ULK4: variants seen among roughly 807,000 people sequenced by gnomAD.
ULK4 encodes the protein inactive serine/threonine-protein kinase ULK4.
Under a neutral mutation model 160.6 loss-of-function variants are expected in ULK4, and 133 were observed. The ratio of observed to expected loss-of-function variants is 0.83; its 90% CI spans 0.72 to 0.96. The LOEUF (loss-of-function observed/expected upper bound fraction) is 0.96. Among genes scored for constraint, ULK4 ranks in the 40% least tolerant of loss-of-function variants. ULK4 has a pLI of 0.00. For synonymous variants in ULK4, 534 were observed against 539.8 expected, an observed-to-expected ratio of 0.99 and a Z score of 0.15; for missense variants, 1,580 against 1,499.5, an observed-to-expected ratio of 1.05 and a Z score of -0.89.
At chr3:41,930,173 A>T (rs1310148333) in intron 5 of ULK4, among the ~76,000 whole-genome samples, 10 of 151,238 alleles carry the variant, frequency 6.6e-5, no homozygotes, top group Admixed American at 5.9e-4. Context: ...CAGACCTCGG[A>T]ATAGAGATCT....
intron 17 of ULK4, among the ~76,000 whole-genome samples, chr3:41,844,460 T>C (rs1014966992): frequency 8.5e-5 from 13 of 152,056 alleles, no homozygotes; most frequent in African/African-American, 3.1e-4. Flanking sequence ...CCGGCCTGAG[T>C]GCAGGGCGCG....
intron 27 of ULK4, among the ~76,000 whole-genome samples, chr3:41,684,279 T>G: frequency 6.6e-6 from 1 of 152,238 alleles, no homozygotes; most frequent in South Asian, 2.1e-4. Context: ...CCTGCTTCTC[T>G]GTGCACACCA....
chr3:41,538,110 A>T (rs563884279), intron 32 of ULK4, among the ~76,000 whole-genome samples: 1 of 152,102 alleles, frequency 6.6e-6, no homozygotes, highest in African/African-American at 2.4e-5. Context: ...AAAAGTATCA[A>T]ATCATCCTTT....
chr3:41,303,544 T>C (rs1286815993), intron 35 of ULK4, among the ~76,000 whole-genome samples: 2 of 152,196 alleles, frequency 1.3e-5, no homozygotes, highest in Non-Finnish European at 2.9e-5. Flanking sequence ...TTTCTTTGCA[T>C]GGGTAAAATA....
At chr3:41,277,323 C>G (rs906403295) in intron 35 of ULK4, among the ~76,000 whole-genome samples, 2 of 152,130 alleles carry the variant, frequency 1.3e-5, no homozygotes, top group Non-Finnish European at 2.9e-5. Flanking sequence ...ACCGATATCC[C>G]TGATGAACAT....
At chr3:41,432,524 C>T (rs1281407773) in intron 34 of ULK4, among the ~76,000 whole-genome samples, 2 of 152,158 alleles carry the variant, frequency 1.3e-5, no homozygotes, top group African/African-American at 2.4e-5. Context: ...TACTCACCCC[C>T]ACTTCTGTGG....
In ULK4 at chr3:41,653,937, C is replaced by G. The variant is rs115959819; in HGVS notation, c.3071+9670G>C. Among the ~76,000 whole-genome samples, 865 of 152,326 alleles carry G rather than the reference C, an allele frequency of 5.7e-3. 8 individuals carry two copies. Among genetic ancestry groups the G allele is most frequent in the Admixed American group, 7.6e-3 (116 of 15,306 alleles). On this transcript the variant is annotated intron_variant, in intron 30 of 36. Coordinates refer to ENST00000301831, the MANE Select transcript of ULK4 (RefSeq NM_017886.4). ...ACTCTGCAATGCACAATGGGAATCA[C>G]TATTTATAAATGTATGCAATAAACC...
At chr3:41,371,187 C>A (rs765888965) in intron 35 of ULK4, among the ~76,000 whole-genome samples, 1 of 152,190 alleles carries the variant, frequency 6.6e-6, no homozygotes, top group Non-Finnish European at 1.5e-5. Context: ...TAGGACAGAG[C>A]AACTCGGGGA....
intron 29 of ULK4, among the ~76,000 whole-genome samples, chr3:41,670,192 C>A (rs1183243688): frequency 6.6e-6 from 1 of 152,110 alleles, no homozygotes; most frequent in Non-Finnish European, 1.5e-5. Flanking sequence ...AAAGAGCAGG[C>A]TGCCAAACAG....
chr3:41,344,789 A>T (rs946400795), intron 35 of ULK4, among the ~76,000 whole-genome samples: 6 of 151,448 alleles, frequency 4.0e-5, no homozygotes, highest in Non-Finnish European at 7.4e-5. Context: ...AAATTGACAA[A>T]TGGGATCTAA....
intron 30 of ULK4, among the ~76,000 whole-genome samples, chr3:41,643,767 A>G (rs957842851): frequency 6.6e-6 from 1 of 152,192 alleles, no homozygotes; most frequent in East Asian, 1.9e-4. Context: ...CATTGAATCT[A>G]TAAATTACCT....
chr3:41,766,544 T>C (rs1489223077), intron 21 of ULK4: 1 of 152,222 alleles, frequency 6.6e-6, no homozygotes, highest in African/African-American at 2.4e-5. Context: ...CACAACCAGA[T>C]TACACAGGTA....
intron 2 of ULK4, among the ~76,000 whole-genome samples, chr3:41,951,709 A>G (rs1458557484): frequency 1.3e-5 from 2 of 152,254 alleles, no homozygotes; most frequent in African/African-American, 4.8e-5. Flanking sequence ...ATTCACATTG[A>G]AACCTAATGT....
intron 34 of ULK4, among the ~76,000 whole-genome samples, chr3:41,429,369 T>C (rs2082850135): frequency 2.0e-5 from 3 of 152,172 alleles, no homozygotes; most frequent in South Asian, 2.1e-4. Context: ...GAATCAGAAA[T>C]AACATTTGAC....
chr3:41,682,540 G>A (rs955071629), intron 27 of ULK4, among the ~76,000 whole-genome samples: 6 of 152,282 alleles, frequency 3.9e-5, no homozygotes, highest in Non-Finnish European at 7.4e-5. Flanking sequence ...ACAGCCAAAC[G>A]ACATCTTGCC....
intron 20 of ULK4, among the ~76,000 whole-genome samples, chr3:41,793,162 A>C (rs2040200938): frequency 6.9e-6 from 1 of 144,124 alleles, no homozygotes; most frequent in Non-Finnish European, 1.5e-5. Context: ...AACAAGAGTG[A>C]AACTCCATCT....
chr3:41,750,921 C>T (rs1048331961), intron 22 of ULK4, among the ~76,000 whole-genome samples: 5 of 146,068 alleles, frequency 3.4e-5, no homozygotes, highest in African/African-American at 7.7e-5. Context: ...ACCCGGGAGG[C>T]GGAGATTGCA....
At chr3:41,657,982 A>G (rs2035005810) in intron 30 of ULK4, among the ~76,000 whole-genome samples, 1 of 152,164 alleles carries the variant, frequency 6.6e-6, no homozygotes, top group South Asian at 2.1e-4. Flanking sequence ...CAGACCACTT[A>G]CAAAAATTGA....
intron 20 of ULK4, among the ~76,000 whole-genome samples, chr3:41,792,101 T>A (rs1191596367): frequency 6.6e-6 from 1 of 152,170 alleles, no homozygotes; most frequent in Admixed American, 6.5e-5. Context: ...GAAACTAGGG[T>A]TCTTCAAATC....
Sources: gnomAD v4.1 joint callset for allele counts (sites outside exome capture counted in the v4.1 genomes callset) on GRCh38, gnomAD v4.1.1 for gene constraint, MANE v1.5 for transcripts, NCBI Gene and HGNC (gene_info 2026-07-23, HGNC 2026-07-21) for gene names.